Variants in PDGFRL observed in about 807,000 individuals in gnomAD.
PDGFRL encodes the protein platelet-derived growth factor receptor-like protein.
In PDGFRL, 46 loss-of-function variants were observed where a neutral mutation model predicts 37.2. The ratio of observed to expected loss-of-function variants is 1.24; its 90% CI spans 0.98 to 1.58. PDGFRL has a LOEUF of 1.58. PDGFRL is among the 40% of genes most tolerant of loss of function. The pLI is 0.00. For synonymous variants in PDGFRL, 251 were observed against 184.3 expected (o/e 1.36, Z -2.93); for missense variants, 692 against 467.6 (o/e 1.48, Z -4.43).
chr8:17,609,972 G>A (rs3862080), intron 2 of PDGFRL, among the ~76,000 whole-genome samples: 26,863 of 152,140 alleles, frequency 0.18, 2,524 homozygotes, highest in South Asian at 0.35. Context: ...ACGTTGGCAG[G>A]AGGGAGATTT....
At chr8:17,589,921 A>G (rs1803898990) in intron 2 of PDGFRL, among the ~76,000 whole-genome samples, 156 bp downstream of exon 2, 1 of 152,026 alleles carries the variant, frequency 6.6e-6, no homozygotes, top group Non-Finnish European at 1.5e-5. Flanking sequence ...CACAGATTTT[A>G]TTTCTTTACC....
intron 2 of PDGFRL, among the ~76,000 whole-genome samples, chr8:17,599,713 C>T (rs1804127489): frequency 6.6e-6 from 1 of 152,204 alleles, no homozygotes; most frequent in Non-Finnish European, 1.5e-5. Context: ...TTAAACCTCT[C>T]ATCTTCATCT....
upstream of PDGFRL, chr8:17,576,675 C>T (rs546672687): frequency 2.0e-6 from 2 of 981,228 alleles, no homozygotes; most frequent in South Asian, 4.7e-5. Flanking sequence ...CCTCCCACCC[C>T]CACCAGCAGT....
In PDGFRL at chr8:17,603,237, TGGGCC is replaced by T. The variant is rs1160497597; in HGVS notation, c.353+13473_353+13477del. Among the ~76,000 whole-genome samples, 5 of 152,286 alleles carry T rather than the reference TGGGCC, an allele frequency of 3.3e-5. No individual in the cohort carries two copies. In the East Asian group the frequency reaches 9.7e-4, roughly 29 times the overall value. On this transcript the variant is annotated intron_variant, in intron 2 of 5. Transcript: ENST00000251630. ...GACCTCAAGTGATCCACCCACCACCTGGGCCTCGCTAAGTGCTGGGATTACAAGCA... is the reference window on the plus strand; with the variant it reads ...GACCTCAAGTGATCCACCCACCACCTTCGCTAAGTGCTGGGATTACAAGCA...
At position 17,628,772 on chromosome 8, in the gene PDGFRL, A is replaced by T; in HGVS notation, c.791A>T (p.Tyr264Phe). 9 of 1,612,792 alleles carry T rather than the reference A, an allele frequency of 5.6e-6. No individual in the cohort carries two copies. The highest frequency in any genetic ancestry group is 7.6e-6 in the Non-Finnish European group (9 of 1,178,796). ...SQISVKYQLLYVAVPSGPPST... is the reference protein window; with the variant it reads ...SQISVKYQLLFVAVPSGPPST... ...ATCTCCGTCAAGTACCAGCTGCTCT[A>T]TGTGGCGGGTAAGCCTGGCCACCCC... is the stretch of plus-strand genomic sequence containing the variant. The change falls in exon 4 of 6, where the codon TAT (tyrosine) becomes TTT (phenylalanine). Residue 264 changes from tyrosine (Y) to phenylalanine (F), a missense_variant. Coordinates refer to ENST00000251630, the MANE Select transcript of PDGFRL (RefSeq NM_001372073.1).
At chr8:17,577,753 C>T (rs1803618167) in intron 1 of PDGFRL, among the ~76,000 whole-genome samples, 1 of 151,516 alleles carries the variant, frequency 6.6e-6, no homozygotes, top group African/African-American at 2.4e-5. Flanking sequence ...TTGCAGAGTT[C>T]CAGGTGACCT....
At chr8:17,622,723 A>C (rs1804657950) in intron 3 of PDGFRL, among the ~76,000 whole-genome samples, 1 of 152,182 alleles carries the variant, frequency 6.6e-6, no homozygotes. Context: ...TCTCAGCAAA[A>C]AGAGGGGTCC....
intron 5 of PDGFRL, among the ~76,000 whole-genome samples, chr8:17,635,342 C>T (rs1804951128): frequency 6.6e-6 from 1 of 151,230 alleles, no homozygotes; most frequent in African/African-American, 2.4e-5. Flanking sequence ...CTTATGTCTG[C>T]ATCCTCATAG....
At chr8:17,593,029 C>A (rs1803976497) in intron 2 of PDGFRL, among the ~76,000 whole-genome samples, 2 of 151,996 alleles carry the variant, frequency 1.3e-5, no homozygotes, top group African/African-American at 4.8e-5. Context: ...TCTCTCTTAT[C>A]CTGTTGTATT....
chr8:17,592,237 C>T (rs370237117), intron 2 of PDGFRL, among the ~76,000 whole-genome samples: 1 of 152,318 alleles, frequency 6.6e-6, no homozygotes, highest in East Asian at 1.9e-4. Context: ...ATTGCTTTTG[C>T]GCCAACCTAA....
intron 2 of PDGFRL, among the ~76,000 whole-genome samples, chr8:17,604,470 CA>C (rs1276183197): frequency 9.9e-5 from 15 of 151,768 alleles, no homozygotes; most frequent in Admixed American, 5.3e-4. Flanking sequence ...TCATTCTCAG[CA>C]AACTGTCGTA....
intron 1 of PDGFRL, among the ~76,000 whole-genome samples, chr8:17,584,556 G>C (rs1803775049): frequency 1.3e-5 from 2 of 152,080 alleles, no homozygotes; most frequent in African/African-American, 4.8e-5. Context: ...AGAGTTGTCA[G>C]TGACACAGGA....
chr8:17,620,325 T>C (rs1462402629), intron 2 of PDGFRL, among the ~76,000 whole-genome samples: 2 of 152,216 alleles, frequency 1.3e-5, no homozygotes, highest in African/African-American at 4.8e-5. Context: ...TAGCAATGTA[T>C]GGTGAAAATA....
chr8:17,590,063 C>T (rs1216372712), intron 2 of PDGFRL, among the ~76,000 whole-genome samples: 1 of 151,096 alleles, frequency 6.6e-6, no homozygotes, highest in Non-Finnish European at 1.5e-5. Flanking sequence ...AATCCCGTCT[C>T]TATTAAAAAT....
At chr8:17,609,722 G>C (rs189946176) in intron 2 of PDGFRL, among the ~76,000 whole-genome samples, 6 of 150,298 alleles carry the variant, frequency 4.0e-5, no homozygotes, top group Non-Finnish European at 5.9e-5. Context: ...TATGCAGCCA[G>C]GTTGGAGAAC....
chr8:17,636,781 A>C (rs993931839), intron 5 of PDGFRL, among the ~76,000 whole-genome samples: 3 of 152,022 alleles, frequency 2.0e-5, no homozygotes, highest in African/African-American at 7.2e-5. Flanking sequence ...TGTGTCATCT[A>C]TGATTTCTTT....
In PDGFRL at chr8:17,642,636, A is replaced by T. The variant is rs898567705; in HGVS notation, c.963A>T (p.Gln321His). Reference protein sequence around the residue: ...GQKDERPVTIQDTWRLIHRGL... With the variant: ...GQKDERPVTIHDTWRLIHRGL... Reference sequence around the variant, plus strand: ...AGGATGAAAGGCCTGTGACGATCCAAGACACTTGGAGGTTGATCCACAGAG... The same window carrying T: ...AGGATGAAAGGCCTGTGACGATCCATGACACTTGGAGGTTGATCCACAGAG... The change falls in exon 6 of 6, where the codon CAA becomes CAT. Residue 321 changes from glutamine (Q) to histidine (H), a missense_variant. By Grantham distance (24) the Gln-to-His change is conservative. Coordinates refer to ENST00000251630, the MANE Select transcript of PDGFRL (RefSeq NM_001372073.1). 6.2e-7 allele frequency: 1 copy of T among 1,610,452 alleles called. No homozygotes were observed. Among genetic ancestry groups the T allele is most frequent in the African/African-American group, 1.3e-5 (1 of 74,882 alleles).
intron 2 of PDGFRL, among the ~76,000 whole-genome samples, chr8:17,602,558 A>C (rs1585311234): frequency 6.6e-6 from 1 of 152,296 alleles, no homozygotes; most frequent in East Asian, 1.9e-4. Flanking sequence ...GCAGATACCC[A>C]GAATGAGGCA....
chr8:17,608,724 G>A (rs1804339853), intron 2 of PDGFRL, among the ~76,000 whole-genome samples: 1 of 152,230 alleles, frequency 6.6e-6, no homozygotes. Context: ...TTAAGAACTA[G>A]TGAGATAAAA....
Sources: gnomAD v4.1 joint callset for allele counts (sites outside exome capture counted in the v4.1 genomes callset) on GRCh38, gnomAD v4.1.1 for gene constraint, MANE v1.5 for transcripts, NCBI Gene and HGNC (gene_info 2026-07-23, HGNC 2026-07-21) for gene names.